The following SLC13A3 variants were observed in gnomAD, a reference collection of about 807,000 sequenced individuals.
SLC13A3 encodes the protein Na(+)/dicarboxylate cotransporter 3.
In SLC13A3, 40 loss-of-function variants were observed where a neutral mutation model predicts 59.0. The ratio of observed to expected loss-of-function variants is 0.68; its 90% CI spans 0.53 to 0.88. SLC13A3 has a LOEUF of 0.88. Ranked by LOEUF, SLC13A3 falls within the 40% of genes least tolerant of loss-of-function variation. The pLI, the probability that SLC13A3 is intolerant of heterozygous loss-of-function variation, is 0.00. For synonymous variants in SLC13A3, 317 were observed against 330.3 expected, an observed-to-expected ratio of 0.96 and a Z score of 0.44; for missense variants, 699 against 783.2, an observed-to-expected ratio of 0.89 and a Z score of 1.28.
chr20:46,561,011 A>AC (rs952898820), intron 12 of SLC13A3, among the ~76,000 whole-genome samples: 3 of 152,224 alleles, frequency 2.0e-5, no homozygotes, highest in African/African-American at 7.2e-5. Flanking sequence ...CCCCCAAATT[A>AC]CTAAGCTAAA....
intron 1 of SLC13A3, among the ~76,000 whole-genome samples, chr20:46,616,271 T>TA: frequency 6.6e-6 from 1 of 152,234 alleles, no homozygotes; most frequent in Middle Eastern, 3.4e-3. Flanking sequence ...TCTCAGTATA[T>TA]AAAACAGACA....
chr20:46,669,653 CA>C (rs1222389360), intron 1 of SLC13A3, among the ~76,000 whole-genome samples: 1 of 152,132 alleles, frequency 6.6e-6, no homozygotes, highest in African/African-American at 2.4e-5. Context: ...GCACCCAAGG[CA>C]AATTAGAGAA....
chr20:46,602,134 A>G (rs985134826), intron 3 of SLC13A3, among the ~76,000 whole-genome samples: 2 of 152,042 alleles, frequency 1.3e-5, no homozygotes, highest in African/African-American at 2.4e-5. Flanking sequence ...AGAGTTTGAA[A>G]CTAGCCTGAG....
intron 1 of SLC13A3, among the ~76,000 whole-genome samples, chr20:46,618,516 T>C (rs1361221190): frequency 2.0e-5 from 3 of 152,188 alleles, no homozygotes; most frequent in African/African-American, 7.2e-5. Context: ...GCAGGGACTT[T>C]GGGAGGTGAT....
At chr20:46,600,803 A>T (rs557076625) in intron 3 of SLC13A3, among the ~76,000 whole-genome samples, 35 of 152,372 alleles carry the variant, frequency 2.3e-4, no homozygotes, top group African/African-American at 6.5e-4. Flanking sequence ...AAGGGGAGGC[A>T]GGAAATAAAT....
intron 2 of SLC13A3, among the ~76,000 whole-genome samples, chr20:46,612,062 C>CCCTT (rs2062500674): frequency 1.4e-5 from 2 of 146,108 alleles, no homozygotes; most frequent in African/African-American, 5.1e-5. Flanking sequence ...CTGACATTTT[C>CCCTT]TCTTTCTTTT....
chr20:46,673,406 C>T (rs1420871626), upstream of SLC13A3, among the ~76,000 whole-genome samples: 1 of 152,200 alleles, frequency 6.6e-6, no homozygotes, highest in Non-Finnish European at 1.5e-5. Context: ...TTCAACCCTT[C>T]CCCCATTCCC....
intron 1 of SLC13A3, among the ~76,000 whole-genome samples, chr20:46,665,780 T>C (rs570047390): frequency 2.0e-5 from 3 of 152,358 alleles, no homozygotes; most frequent in Non-Finnish European, 4.4e-5. Context: ...CTGGGTCATA[T>C]GGTAACTCTA....
intron 1 of SLC13A3, among the ~76,000 whole-genome samples, chr20:46,682,701 G>A (rs981408454): frequency 1.3e-5 from 2 of 151,904 alleles, no homozygotes; most frequent in African/African-American, 4.8e-5. Context: ...TAAAAGCATG[G>A]GTCTGAATCC....
intron 1 of SLC13A3, among the ~76,000 whole-genome samples, chr20:46,615,199 G>A (rs757814252): frequency 1.1e-4 from 16 of 152,106 alleles, no homozygotes; most frequent in South Asian, 2.1e-4. Context: ...TCAAGGCAAC[G>A]ATCTTGCATA....
At chr20:46,562,118 A>C (rs997845101) in intron 12 of SLC13A3, among the ~76,000 whole-genome samples, 3 of 152,050 alleles carry the variant, frequency 2.0e-5, no homozygotes, top group Non-Finnish European at 4.4e-5. Context: ...CCCTGCTTCC[A>C]CACTTGTCCC....
At chr20:46,599,950 T>C (rs200869942) in intron 4 of SLC13A3, 21 bp downstream of exon 4, 371 of 1,550,830 alleles carry the variant, frequency 2.4e-4, no homozygotes, top group Non-Finnish European at 2.9e-4. Flanking sequence ...GGGTCCTCTA[T>C]GAATTTCACC....
At chr20:46,654,419 T>C (rs1046849093), upstream of SLC13A3, among the ~76,000 whole-genome samples, 9 of 152,222 alleles carry the variant, frequency 5.9e-5, no homozygotes, top group African/African-American at 2.2e-4. Flanking sequence ...CATAGAAACC[T>C]TACTTCATGC....
At chr20:46,614,390 C>T (rs559122825) in intron 1 of SLC13A3, among the ~76,000 whole-genome samples, 1 of 152,328 alleles carries the variant, frequency 6.6e-6, no homozygotes, top group African/African-American at 2.4e-5. Flanking sequence ...CATTAACTTT[C>T]AGCACTTCCG....
chr20:46,671,283 CCCCCTTCAGAGCACTCATG>C (rs1307987496), upstream of SLC13A3, among the ~76,000 whole-genome samples: 2 of 152,274 alleles, frequency 1.3e-5, no homozygotes, highest in East Asian at 3.9e-4. Flanking sequence ...GAGGGGCCAT[CCCCCTTCAGAGCACTCATG>C]CAATTGGTCA....
At chr20:46,664,693 G>T (rs932636779) in intron 1 of SLC13A3, among the ~76,000 whole-genome samples, 2 of 152,222 alleles carry the variant, frequency 1.3e-5, no homozygotes, top group African/African-American at 4.8e-5. Context: ...GCAAAGGGAA[G>T]TTGAGAGTGG....
intron 10 of SLC13A3, among the ~76,000 whole-genome samples, chr20:46,570,709 T>C (rs544656714): frequency 6.6e-6 from 1 of 152,324 alleles, no homozygotes; most frequent in East Asian, 1.9e-4. Flanking sequence ...AAATCGTATG[T>C]CGAATCGTTG....
chr20:46,647,400 T>C (rs1270556603), intron 1 of SLC13A3, among the ~76,000 whole-genome samples: 1 of 152,094 alleles, frequency 6.6e-6, no homozygotes, highest in Non-Finnish European at 1.5e-5. Context: ...TGGAGCTTAT[T>C]TGTAAGCCTG....
chr20:46,654,988 C>T (rs2122896502), upstream of SLC13A3, among the ~76,000 whole-genome samples: 1 of 152,270 alleles, frequency 6.6e-6, no homozygotes, highest in Middle Eastern at 3.4e-3. Flanking sequence ...ATGCTATGCA[C>T]CTACTTTCTG....
Sources: gnomAD v4.1 joint callset for allele counts (sites outside exome capture counted in the v4.1 genomes callset) on GRCh38, gnomAD v4.1.1 for gene constraint, MANE v1.5 for transcripts, NCBI Gene and HGNC (gene_info 2026-07-23, HGNC 2026-07-21) for gene names.